The following MTFR1 variants were observed in gnomAD, a reference collection of about 807,000 sequenced individuals.
The protein encoded by MTFR1 is mitochondrial fission regulator 1.
In MTFR1, 28 loss-of-function variants were observed where a neutral mutation model predicts 38.8. That is an observed-to-expected ratio of 0.72 (90% confidence interval 0.53 to 0.99). The LOEUF (loss-of-function observed/expected upper bound fraction) is 0.99, where lower values mean the gene tolerates loss of function less well. Among genes scored for constraint, MTFR1 ranks in the 50% least tolerant of loss-of-function variants. MTFR1 has a pLI of 0.00. For synonymous variants in MTFR1, 145 were observed against 137.0 expected (o/e 1.06, Z -0.41); for missense variants, 358 against 395.5 (o/e 0.91, Z 0.81).
chr8:65,675,323 C>G (rs551223440), intron 2 of MTFR1, among the ~76,000 whole-genome samples: 1 of 149,390 alleles, frequency 6.7e-6, no homozygotes, highest in Non-Finnish European at 1.5e-5. Flanking sequence ...AGGCCGGGCG[C>G]GGTGGCTTAC....
intron 2 of MTFR1, among the ~76,000 whole-genome samples, chr8:65,677,315 C>T (rs1235736223): frequency 6.6e-6 from 1 of 151,326 alleles, no homozygotes; most frequent in Admixed American, 6.6e-5. Flanking sequence ...GATGATCCAC[C>T]CGCCTCGGCC....
At chr8:65,770,121 CTGTGTGTGTGTGTGTG>C (rs10608556) in intron 3 of MTFR1, among the ~76,000 whole-genome samples, 81 of 146,556 alleles carry the variant, frequency 5.5e-4, no homozygotes, top group African/African-American at 1.6e-3. Flanking sequence ...CAGTATACTT[CTGTGTGTGTGTGTGTG>C]TGTGTGTGTG....
chr8:65,652,535 C>G (rs1280596255), intron 1 of MTFR1, among the ~76,000 whole-genome samples: 2 of 152,106 alleles, frequency 1.3e-5, no homozygotes, highest in Non-Finnish European at 1.5e-5. Context: ...CCCTGACCCT[C>G]TTAAATTGCT....
intron 4 of MTFR1, among the ~76,000 whole-genome samples, chr8:65,697,063 C>T (rs1174512589): frequency 3.4e-5 from 5 of 149,152 alleles, no homozygotes; most frequent in African/African-American, 1.2e-4. Context: ...CAGCTCACTG[C>T]AACCTCTACC....
chr8:65,748,516 T>C (rs1807790254), intron 3 of MTFR1, among the ~76,000 whole-genome samples: 1 of 152,202 alleles, frequency 6.6e-6, no homozygotes, highest in Admixed American at 6.5e-5. Flanking sequence ...GGGCACCAGA[T>C]GAAATGACAG....
At chr8:65,704,979 G>C in intron 5 of MTFR1, 50 bp downstream of exon 5, 2 of 1,423,796 alleles carry the variant, frequency 1.4e-6, no homozygotes, top group Non-Finnish European at 1.9e-6. Context: ...TAGAAGTTAG[G>C]AGAATGCTAC....
At chr8:65,682,863 A>T in intron 3 of MTFR1, 1 of 985,330 alleles carries the variant, frequency 1.0e-6, no homozygotes, top group South Asian at 4.7e-5. Context: ...ATGCCATATA[A>T]GTTGCTTTCC....
chr8:65,766,716 T>C (rs1051211493), intron 3 of MTFR1, among the ~76,000 whole-genome samples: 1 of 152,230 alleles, frequency 6.6e-6, no homozygotes, highest in African/African-American at 2.4e-5. Context: ...CCATTGCTCA[T>C]TGTTATTAAG....
At chr8:65,667,071 A>G (rs1804402599) in intron 1 of MTFR1, among the ~76,000 whole-genome samples, 1 of 152,124 alleles carries the variant, frequency 6.6e-6, no homozygotes, top group Non-Finnish European at 1.5e-5. Flanking sequence ...TGAGGTCAGG[A>G]GATTAAAACC....
At chr8:65,763,878 A>C (rs1376903374) in intron 3 of MTFR1, among the ~76,000 whole-genome samples, 1 of 152,256 alleles carries the variant, frequency 6.6e-6, no homozygotes. Context: ...ATTAAGATTA[A>C]GGTCCAATAC....
intron 3 of MTFR1, among the ~76,000 whole-genome samples, chr8:65,754,465 G>C (rs922783063): frequency 6.6e-6 from 1 of 151,692 alleles, no homozygotes; most frequent in East Asian, 2.0e-4. Context: ...AGGCTCCCGA[G>C]TAGCTGGGAT....
chr8:65,726,379 T>C (rs1023677406), intron 3 of MTFR1, among the ~76,000 whole-genome samples: 3 of 152,220 alleles, frequency 2.0e-5, no homozygotes, highest in Non-Finnish European at 2.9e-5. Context: ...TATTATATCC[T>C]ATAGCTCTAG....
intron 3 of MTFR1, among the ~76,000 whole-genome samples, chr8:65,743,138 G>T (rs755868738): frequency 6.6e-6 from 1 of 152,208 alleles, no homozygotes; most frequent in Non-Finnish European, 1.5e-5. Flanking sequence ...GAGAGTTTAT[G>T]TAAGGCTAAA....
chr8:65,662,002 CCTCTCCCTCTCT>C (rs1162720012), intron 1 of MTFR1, among the ~76,000 whole-genome samples: 62 of 139,194 alleles, frequency 4.5e-4, no homozygotes, highest in African/African-American at 8.4e-4. Context: ...AAGCCCTCTC[CCTCTCCCTCTCT>C]CTCTCCCTCT....
chr8:65,676,978 G>A (rs34496943), intron 2 of MTFR1, among the ~76,000 whole-genome samples: 56,573 of 151,294 alleles, frequency 0.37, 13,734 homozygotes, highest in Non-Finnish European at 0.55. Context: ...ATGCATGTGC[G>A]CGCACACACA....
intron 4 of MTFR1, among the ~76,000 whole-genome samples, chr8:65,703,242 A>T (rs1298884268): frequency 6.6e-6 from 1 of 151,676 alleles, no homozygotes; most frequent in Non-Finnish European, 1.5e-5. Flanking sequence ...AAAATTAGCC[A>T]GGCATGGGTG....
chr8:65,648,842 G>A (rs991331413), intron 1 of MTFR1, among the ~76,000 whole-genome samples: 5 of 151,852 alleles, frequency 3.3e-5, no homozygotes, highest in African/African-American at 1.2e-4. Context: ...TTTTTTTTTA[G>A]GGACAGAGTC....
downstream of MTFR1, among the ~76,000 whole-genome samples, chr8:65,774,605 A>AT (rs1219852529): frequency 1.3e-5 from 2 of 151,750 alleles, no homozygotes; most frequent in African/African-American, 4.8e-5. Context: ...GAAATTAAGT[A>AT]TTTACCATAG....
At chr8:65,755,289 G>A (rs1808172239) in intron 3 of MTFR1, among the ~76,000 whole-genome samples, 1 of 152,086 alleles carries the variant, frequency 6.6e-6, no homozygotes, top group African/African-American at 2.4e-5. Context: ...CCAAAGTGCT[G>A]GGATTACAGG....
Sources: gnomAD v4.1 joint callset for allele counts (sites outside exome capture counted in the v4.1 genomes callset) on GRCh38, gnomAD v4.1.1 for gene constraint, MANE v1.5 for transcripts, NCBI Gene and HGNC (gene_info 2026-07-23, HGNC 2026-07-21) for gene names.